Variants in PDS5B observed in about 807,000 individuals in gnomAD.
PDS5B encodes the protein PDS5 cohesin associated factor B.
A neutral mutation model predicts 184.1 loss-of-function variants in PDS5B; 51 were observed. The ratio of observed to expected loss-of-function variants is 0.28; its 90% CI spans 0.22 to 0.35. PDS5B has a LOEUF of 0.35. PDS5B is among the 10% of genes least tolerant of loss of function. The probability of loss-of-function intolerance (pLI) is 1.00; values close to 1 mark genes in which losing one functional copy is unlikely to be tolerated. For missense variants in PDS5B, 1,180 were observed against 1,723.3 expected, an observed-to-expected ratio of 0.68 and a Z score of 5.58; for synonymous variants, 566 against 569.2, an observed-to-expected ratio of 0.99 and a Z score of 0.08.
At chr13:32,644,799 TA>T (rs1950178879) in intron 1 of PDS5B, among the ~76,000 whole-genome samples, 1 of 152,236 alleles carries the variant, frequency 6.6e-6, no homozygotes, top group African/African-American at 2.4e-5. Context: ...AAATTTTTCT[TA>T]ATTTATTGAG....
intron 18 of PDS5B, among the ~76,000 whole-genome samples, 190 bp from the exon 19 acceptor site, chr13:32,709,756 T>G: frequency 6.6e-6 from 1 of 152,156 alleles, no homozygotes; most frequent in East Asian, 1.9e-4. Context: ...CATACAATCT[T>G]CCTACAGAGG....
At position 32,706,943 on chromosome 13, in the gene PDS5B, TA is replaced by T; in HGVS notation, c.1869del (p.Lys623AsnfsTer3). On this transcript the variant is annotated frameshift_variant, in exon 18 of 35. Transcript: ENST00000315596. LOFTEE classifies it high-confidence loss of function. The part of the protein sequence containing the change: ...IDTESISALI[K>X]QVNKSIDGTA... ...TTTGGTCATATTTTAGTGCTCTTAT[TA>T]AACAAGTGAACAAATCAATAGATGG... 6.2e-7 allele frequency: 1 copy of T among 1,601,966 alleles called. No homozygotes were observed. The highest frequency in any genetic ancestry group is 8.5e-7 in the Non-Finnish European group (1 of 1,174,846).
intron 2 of PDS5B, chr13:32,650,389 A>C (rs1261465331): frequency 7.2e-5 from 11 of 152,196 alleles, no homozygotes; most frequent in Non-Finnish European, 1.6e-4. Flanking sequence ...AAAATATGAA[A>C]AAATTATGTA....
At chr13:32,756,995 C>T (rs1259998897) in intron 26 of PDS5B, among the ~76,000 whole-genome samples, 2 of 151,782 alleles carry the variant, frequency 1.3e-5, no homozygotes, top group African/African-American at 2.4e-5. Context: ...TGTGGTGGTG[C>T]GTGCTTGTAG....
At chr13:32,610,140 G>A (rs1015560448) in intron 1 of PDS5B, among the ~76,000 whole-genome samples, 1 of 152,124 alleles carries the variant, frequency 6.6e-6, no homozygotes, top group Admixed American at 6.5e-5. Context: ...CAGATGATGT[G>A]GTGTGTCTTA....
intron 1 of PDS5B, among the ~76,000 whole-genome samples, chr13:32,596,869 G>T (rs1249515441): frequency 1.3e-5 from 2 of 152,040 alleles, no homozygotes; most frequent in African/African-American, 4.8e-5. Context: ...AATTCTTAAT[G>T]TACTCACGAT....
At chr13:32,702,829 T>C (rs1442148397) in intron 17 of PDS5B, among the ~76,000 whole-genome samples, 2 of 152,186 alleles carry the variant, frequency 1.3e-5, no homozygotes, top group African/African-American at 2.4e-5. Context: ...CCTTTTACTT[T>C]ATCTGTTGAG....
At chr13:32,739,657 A>G (rs1042724956) in intron 21 of PDS5B, among the ~76,000 whole-genome samples, 1 of 152,194 alleles carries the variant, frequency 6.6e-6, no homozygotes, top group Non-Finnish European at 1.5e-5. Context: ...ATATATTCAC[A>G]TATTCTGCTG....
chr13:32,753,530 G>A lies in PDS5B; in HGVS notation c.2935G>A (p.Val979Ile), dbSNP rs1954061428. The A allele has an allele frequency of 1.2e-6, 2 of 1,610,744 alleles. No individual in the cohort carries two copies. Among genetic ancestry groups the A allele is most frequent in the South Asian group, 1.1e-5 (1 of 90,840 alleles). Residue 979 changes from valine to isoleucine, a missense_variant, in exon 25 of 35, where the codon GTT (valine) becomes ATT (isoleucine). Physicochemically the swap from Val to Ile is conservative, Grantham distance 29. Transcript: ENST00000315596. ...RREYLKQHAA[V>I]SEKLLSLLPE... ...GGAGTATCTGAAGCAGCATGCAGCTGTTAGTGGTAAGCATATAAGAAAATG... is the reference window on the plus strand; with the variant it reads ...GGAGTATCTGAAGCAGCATGCAGCTATTAGTGGTAAGCATATAAGAAAATG...
intron 6 of PDS5B, among the ~76,000 whole-genome samples, chr13:32,666,483 A>G (rs942431087): frequency 1.3e-5 from 2 of 152,198 alleles, no homozygotes; most frequent in African/African-American, 4.8e-5. Context: ...GACAAAGAAA[A>G]CATAAATATT....
chr13:32,649,888 A>G (rs1950325896), intron 2 of PDS5B: 1 of 152,166 alleles, frequency 6.6e-6, no homozygotes, highest in South Asian at 2.1e-4. Context: ...AAGAATAGTC[A>G]AGCTATGAAT....
intron 19 of PDS5B, among the ~76,000 whole-genome samples, chr13:32,717,500 G>A (rs55841957): frequency 0.027 from 3,705 of 135,284 alleles, 64 homozygotes; most frequent in African/African-American, 0.076. Flanking sequence ...CAGCATGCTC[G>A]TTAAGAGTCA....
At chr13:32,679,025 G>T in intron 10 of PDS5B, 96 bp downstream of exon 10, 2 of 604,314 alleles carry the variant, frequency 3.3e-6, no homozygotes, top group Non-Finnish European at 5.9e-6. Context: ...TTTCGGGGGT[G>T]GTAGGTGAAG....
intron 8 of PDS5B, among the ~76,000 whole-genome samples, chr13:32,674,626 T>C (rs892804881): frequency 1.3e-5 from 2 of 150,994 alleles, no homozygotes; most frequent in Non-Finnish European, 2.9e-5. Context: ...TAACATCTAG[T>C]ATGAGAGGAA....
intron 27 of PDS5B, 22 bp from the exon 28 acceptor site, chr13:32,758,512 T>A: frequency 6.2e-7 from 1 of 1,601,054 alleles, no homozygotes; most frequent in Non-Finnish European, 8.5e-7. Context: ...GTATCTGTGT[T>A]TTTAAAAATA....
chr13:32,755,587 A>G lies in PDS5B; in HGVS notation c.2942-255A>G, dbSNP rs17642320. ...ATATTTGTTTTTGTAGCCTCAGCCC[A>G]TGGTGTATTTAGTAGGCCATTTCAA... is the stretch of plus-strand genomic sequence containing the variant. On this transcript the variant is annotated intron_variant, in intron 25 of 34. Transcript: ENST00000315596. Among the ~76,000 whole-genome samples the G allele has an allele frequency of 1.7e-3, 265 of 152,230 alleles. 6 individuals carry two copies. The East Asian group carries it at 0.043, about 25-fold the overall frequency.
At chr13:32,758,782 C>G (rs1232106095) in intron 28 of PDS5B, 129 bp downstream of exon 28, 3 of 845,840 alleles carry the variant, frequency 3.5e-6, no homozygotes, top group Admixed American at 2.2e-5. Context: ...AGATCAGAAC[C>G]AGAATATGAG....
chr13:32,678,418 A>G (rs892133132), intron 9 of PDS5B, among the ~76,000 whole-genome samples: 1 of 152,194 alleles, frequency 6.6e-6, no homozygotes, highest in East Asian at 1.9e-4. Flanking sequence ...TACATTAGTG[A>G]ATGCCCTATA....
At chr13:32,643,809 A>G (rs1484436653) in intron 1 of PDS5B, among the ~76,000 whole-genome samples, 1 of 152,200 alleles carries the variant, frequency 6.6e-6, no homozygotes. Context: ...TTGCACAACA[A>G]TAAAATTCCC....
Sources: gnomAD v4.1 joint callset for allele counts (sites outside exome capture counted in the v4.1 genomes callset) on GRCh38, gnomAD v4.1.1 for gene constraint, MANE v1.5 for transcripts, NCBI Gene and HGNC (gene_info 2026-07-23, HGNC 2026-07-21) for gene names.